ADARB2: variants seen among roughly 807,000 people sequenced by gnomAD.
ADARB2 encodes the protein adenosine deaminase RNA specific B2 (inactive), also known as inactive double-stranded RNA-specific editase B2.
ADARB2 carries 25 observed loss-of-function variants against 62.2 expected under a neutral mutation model. The observed-to-expected ratio is 0.40, with a 90% CI of 0.29 to 0.56. The LOEUF (loss-of-function observed/expected upper bound fraction) is 0.56. ADARB2 is among the 20% of genes least tolerant of loss of function. The pLI, the probability that ADARB2 is intolerant of heterozygous loss-of-function variation, is 0.43. For missense variants in ADARB2, 1,071 were observed against 1,077.4 expected (o/e 0.99, Z 0.08); for synonymous variants, 572 against 500.8 (o/e 1.14, Z -1.90).
intron 1 of ADARB2, among the ~76,000 whole-genome samples, chr10:1,567,822 C>A (rs1423754196): frequency 2.6e-5 from 4 of 152,232 alleles, no homozygotes; most frequent in African/African-American, 9.6e-5. Context: ...GAATGGGAAA[C>A]TGAGGAATGG....
At chr10:1,556,994 T>C in intron 1 of ADARB2, 2 of 383,798 alleles carry the variant, frequency 5.2e-6, no homozygotes, top group South Asian at 4.0e-5. Flanking sequence ...AGGAATCTTG[T>C]CCTGCATCTC....
At chr10:1,663,785 A>G (rs949760275) in intron 1 of ADARB2, among the ~76,000 whole-genome samples, 4 of 151,978 alleles carry the variant, frequency 2.6e-5, no homozygotes, top group African/African-American at 9.7e-5. Context: ...ATGCCTGGCT[A>G]ATTTTTGTAT....
At chr10:1,200,858 C>T (rs1447926036) in intron 7 of ADARB2, among the ~76,000 whole-genome samples, 5 of 152,186 alleles carry the variant, frequency 3.3e-5, no homozygotes, top group Admixed American at 6.5e-5. Context: ...CTACCTCCTT[C>T]AGCAGCAAGC....
intron 6 of ADARB2, among the ~76,000 whole-genome samples, chr10:1,226,784 G>A (rs993920435): frequency 6.6e-6 from 1 of 152,202 alleles, no homozygotes; most frequent in Non-Finnish European, 1.5e-5. Context: ...TTGTCTTAGA[G>A]GAGTACCCGG....
At chr10:1,607,582 G>T (rs1482703171) in intron 1 of ADARB2, among the ~76,000 whole-genome samples, 1 of 152,098 alleles carries the variant, frequency 6.6e-6, no homozygotes, top group Non-Finnish European at 1.5e-5. Context: ...GACATGGAGG[G>T]ACGCCCTGAC....
chr10:1,570,445 C>T (rs943248728), intron 1 of ADARB2, among the ~76,000 whole-genome samples: 6 of 75,196 alleles, frequency 8.0e-5, no homozygotes, highest in Non-Finnish European at 1.8e-4. Flanking sequence ...GGAAGCAGGA[C>T]GGGCAGGCAC....
chr10:1,535,121 CG>C lies in ADARB2; in HGVS notation c.101-155962del, dbSNP rs1369583660. 5 of 165,478 alleles carry C rather than the reference CG, an allele frequency of 3.0e-5. No homozygotes were observed. The Admixed American group carries it at 3.3e-4, about 11-fold the overall frequency. The allele number at this position is 165,478 out of a possible 1,614,324, so 10.3% of individuals were successfully genotyped here. ...GGTCCTCAACAGGATTTTGGTGACA[CG>C]CAACACCCCTCTGGCTCCTGCTCTG... is the stretch of plus-strand genomic sequence containing the variant. On this transcript the variant is annotated intron_variant, in intron 1 of 9. Transcript: ENST00000381312.
chr10:1,629,600 C>T (rs1437434647), intron 1 of ADARB2, among the ~76,000 whole-genome samples: 1 of 143,618 alleles, frequency 7.0e-6, no homozygotes, highest in Non-Finnish European at 1.5e-5. Flanking sequence ...GTCACAAAGG[C>T]CGGGTGCTTC....
intron 1 of ADARB2, among the ~76,000 whole-genome samples, chr10:1,497,567 ATAAT>A (rs1703994478): frequency 6.6e-6 from 1 of 152,230 alleles, no homozygotes; most frequent in Non-Finnish European, 1.5e-5. Context: ...TCTCTTATAA[ATAAT>A]TGATTCAAAA....
At chr10:1,515,888 C>T (rs958176931) in intron 1 of ADARB2, among the ~76,000 whole-genome samples, 56 of 152,356 alleles carry the variant, frequency 3.7e-4, no homozygotes, top group African/African-American at 1.3e-3. Flanking sequence ...TTAAGGAAAG[C>T]CTATGTGACA....
At chr10:1,418,067 A>T (rs958119722) in intron 1 of ADARB2, among the ~76,000 whole-genome samples, 1 of 152,182 alleles carries the variant, frequency 6.6e-6, no homozygotes, top group Non-Finnish European at 1.5e-5. Context: ...TTGACTTTGG[A>T]GCAGACGGCC....
chr10:1,188,075 C>G lies in ADARB2; in HGVS notation c.1865-3036G>C, dbSNP rs149295752. On this transcript the variant is annotated intron_variant, in intron 8 of 9. Transcript: ENST00000381312. ...GAGGTGGAAAATGCACCCCAGGGGC[C>G]TCTCCCACTGACCAGGAACCAGGTG... 168 of 155,740 alleles carry G rather than the reference C, an allele frequency of 1.1e-3. 3 individuals carry two copies. The East Asian group carries it at 0.029, about 27-fold the overall frequency. The allele number at this position is 155,740 out of a possible 1,614,324, so 9.6% of individuals were successfully genotyped here. A position where few individuals can be genotyped will look rare whatever the true frequency, so the allele number is the denominator to read the frequency against.
At chr10:1,493,206 A>G (rs1831643589) in intron 1 of ADARB2, among the ~76,000 whole-genome samples, 1 of 152,206 alleles carries the variant, frequency 6.6e-6, no homozygotes, top group Non-Finnish European at 1.5e-5. Flanking sequence ...GCAACATAGT[A>G]TCTATCATAG....
intron 1 of ADARB2, among the ~76,000 whole-genome samples, chr10:1,544,713 T>C (rs879474176): frequency 5.9e-5 from 9 of 152,076 alleles, no homozygotes; most frequent in Non-Finnish European, 1.3e-4. Context: ...GTGAAATGTA[T>C]GTAGCATGTA....
At chr10:1,281,050 A>AACGTG (rs1277056274) in intron 3 of ADARB2, among the ~76,000 whole-genome samples, 1 of 152,284 alleles carries the variant, frequency 6.6e-6, no homozygotes, top group Non-Finnish European at 1.5e-5. Flanking sequence ...AGACAAAGAA[A>AACGTG]ACGTGGCAAT....
At chr10:1,387,401 C>A (rs941727657) in intron 1 of ADARB2, among the ~76,000 whole-genome samples, 23 of 151,920 alleles carry the variant, frequency 1.5e-4, no homozygotes, top group African/African-American at 5.5e-4. Context: ...TCCATGTTTT[C>A]TAATTAGAAA....
chr10:1,618,167 T>C (rs565558952), intron 1 of ADARB2, among the ~76,000 whole-genome samples: 1 of 152,318 alleles, frequency 6.6e-6, no homozygotes, highest in Admixed American at 6.5e-5. Flanking sequence ...AGAATGCCTT[T>C]AGGTGAGTCA....
In ADARB2 at chr10:1,363,767, A is replaced by G. The variant is rs372884521; in HGVS notation, c.338T>C (p.Leu113Pro). 1.6e-4 allele frequency: 262 copies of G among 1,603,414 alleles called. No homozygotes were observed. The highest frequency in any genetic ancestry group is 2.2e-4 in the Non-Finnish European group (258 of 1,179,256). ...EEGNGGHLCKLQLVWKKLSWS... is the reference protein window; with the variant it reads ...EEGNGGHLCKPQLVWKKLSWS... Reference sequence around the variant, plus strand: ...CGACAGCTTCTTCCAGACCAGCTGCAGTTTGCACAAGTGGCCCCCATTCCC... The same window carrying G: ...CGACAGCTTCTTCCAGACCAGCTGCGGTTTGCACAAGTGGCCCCCATTCCC... Residue 113 changes from leucine (L) to proline (P), a missense_variant, in exon 3 of 10, where the codon CTG (leucine) becomes CCG (proline). By Grantham distance (98) the Leu-to-Pro change is moderately conservative. Transcript: ENST00000381312.
At chr10:1,570,610 G>A (rs941624707) in intron 1 of ADARB2, among the ~76,000 whole-genome samples, 27 of 152,236 alleles carry the variant, frequency 1.8e-4, no homozygotes, top group African/African-American at 6.0e-4. Context: ...TCTCACCAGA[G>A]AGTCTCATGC....
Sources: allele counts gnomAD v4.1 joint callset (sites outside exome capture counted in the v4.1 genomes callset), GRCh38; gene constraint gnomAD v4.1.1; transcripts MANE v1.5; gene names NCBI Gene and HGNC (gene_info 2026-07-23, HGNC 2026-07-21).